Variants in UPF3A observed in about 807,000 individuals in gnomAD.
UPF3A encodes regulator of nonsense transcripts 3A.
A neutral mutation model predicts 53.5 loss-of-function variants in UPF3A; 42 were observed. The observed-to-expected ratio is 0.78, with a 90% CI of 0.61 to 1.01. The LOEUF (loss-of-function observed/expected upper bound fraction) is 1.01, where lower values mean the gene tolerates loss of function less well. Ranked by LOEUF, UPF3A falls within the 50% of genes least tolerant of loss-of-function variation. UPF3A has a pLI of 0.00. For missense variants in UPF3A, 575 were observed against 598.0 expected (o/e 0.96, Z 0.40); for synonymous variants, 237 against 225.3 (o/e 1.05, Z -0.47).
intron 5 of UPF3A, among the ~76,000 whole-genome samples, chr13:114,288,962 G>A (rs769644167): frequency 6.6e-6 from 1 of 152,088 alleles, no homozygotes. Flanking sequence ...TGTTTTAAAT[G>A]TCCCCTTGCA....
intron 3 of UPF3A, chr13:114,284,075 A>G (rs1178950252): frequency 1.8e-5 from 18 of 985,250 alleles, no homozygotes; most frequent in Non-Finnish European, 1.8e-5. Flanking sequence ...CTTAAAAAAT[A>G]TTGGTGGGCC....
Position 114,291,670 on chromosome 13 carries a change from A to AG in UPF3A, c.725dup (p.Glu243ArgfsTer28). The AG allele has an allele frequency of 6.2e-7, 1 of 1,608,138 alleles. No homozygotes were observed. Among genetic ancestry groups the AG allele is most frequent in the Non-Finnish European group, 8.5e-7 (1 of 1,178,148 alleles). On this transcript the variant is annotated frameshift_variant, in exon 7 of 10. Transcript: ENST00000375299. LOFTEE classifies it high-confidence loss of function. ...AGAGAAGCGAGAAGAACGGAGGAGGAGAGAGTTAGAAAAGAAACGTTTGCG... is the reference window on the plus strand; with the variant it reads ...AGAGAAGCGAGAAGAACGGAGGAGGAGGAGAGTTAGAAAAGAAACGTTTGCG...
chr13:114,291,444 C>G (rs762204422), intron 5 of UPF3A, 45 bp from the exon 6 acceptor site: 1 of 1,481,060 alleles, frequency 6.8e-7, no homozygotes, highest in South Asian at 1.3e-5. Flanking sequence ...TAAAATACAT[C>G]TTTCTTTAGG....
intron 7 of UPF3A, among the ~76,000 whole-genome samples, chr13:114,294,111 C>T (rs1594800172): frequency 6.6e-6 from 1 of 152,108 alleles, no homozygotes; most frequent in Admixed American, 6.6e-5. Flanking sequence ...AGTATCTGTG[C>T]TCAGTATGGG....
chr13:114,286,333 T>C lies in UPF3A; in HGVS notation c.453T>C (p.Ala151=). 1 of 1,614,140 alleles carries C rather than the reference T, an allele frequency of 6.2e-7. No individual in the cohort carries two copies. The change falls in exon 4 of 10, where the codon GCT becomes GCC. Residue 151 remains alanine, a synonymous_variant. Coordinates refer to ENST00000375299, the MANE Select transcript of UPF3A (RefSeq NM_023011.4). ...AATATCCTGCAGTGGTAGAGTTTGC[T>C]CCATTCCAGAAGATAGCCAAAAAGA... ...GLEYPAVVEF[A]PFQKIAKKKL...
At position 114,301,982 on chromosome 13, in the gene UPF3A, G is replaced by A. The variant is rs2086646935; in HGVS notation, c.1259G>A (p.Cys420Tyr). The stretch of plus-strand genomic sequence containing the variant: ...GAGAGACTGGGAAGAGCGCAGAGGT[G>A]TGACGACAGTCCAGCACCCAGAAAA... ...AMERLGRAQR[C>Y]DDSPAPRKER... is the part of the protein sequence containing the mutation. The change falls in exon 9 of 10, where the codon TGT (cysteine) becomes TAT (tyrosine). Residue 420 changes from cysteine to tyrosine, a missense_variant. Around this residue, in one of 2 missense-constraint regions of UPF3A, gnomAD observed 323 missense variants for 415.2 expected, o/e 0.78. Coordinates refer to ENST00000375299, the MANE Select transcript of UPF3A (RefSeq NM_023011.4). 1.9e-6 allele frequency: 3 copies of A among 1,574,244 alleles called. No homozygotes were observed. In the African/African-American group the frequency reaches 4.1e-5, roughly 21 times the overall value.
chr13:114,297,753 A>G (rs1296696858), intron 7 of UPF3A, among the ~76,000 whole-genome samples: 1 of 151,854 alleles, frequency 6.6e-6, no homozygotes, highest in Admixed American at 6.6e-5. Context: ...TGCTTGAACC[A>G]GGGTGGCAGA....
intron 7 of UPF3A, among the ~76,000 whole-genome samples, chr13:114,297,865 A>T (rs1184743833): frequency 6.6e-6 from 1 of 152,134 alleles, no homozygotes; most frequent in Non-Finnish European, 1.5e-5. Flanking sequence ...AAAGTTAGCC[A>T]GGTGTGGTGG....
intron 9 of UPF3A, among the ~76,000 whole-genome samples, chr13:114,303,360 G>A (rs1297984895): frequency 6.6e-6 from 1 of 152,180 alleles, no homozygotes; most frequent in Non-Finnish European, 1.5e-5. Flanking sequence ...CCTGTGTTTA[G>A]CCTCACAGTG....
rs1340545238 is a variant in UPF3A, at chr13:114,281,653, A to G, written c.14A>G (p.Lys5Arg). The change falls in exon 1 of 10, where the codon AAG (lysine) becomes AGG (arginine). Residue 5 changes from lysine to arginine, a missense_variant. By Grantham distance (26) the Lys-to-Arg change is conservative. This residue lies in a region of UPF3A where 252 missense variants were observed against 182.7 expected (regional missense o/e 1.38). Transcript: ENST00000375299. ...GGAGAGTGCGGCATGCGCTCGGAAAAGGAGGGGGCCGGAGGCCTTCGGGCG... is the reference window on the plus strand; with the variant it reads ...GGAGAGTGCGGCATGCGCTCGGAAAGGGAGGGGGCCGGAGGCCTTCGGGCG... MRSE[K>R]EGAGGLRAAV... 2.7e-6 allele frequency: 4 copies of G among 1,495,944 alleles called. No individual in the cohort carries two copies. In the Admixed American group the frequency reaches 6.5e-5, roughly 24 times the overall value. 92.7% of individuals were successfully genotyped at this position (1,495,944 alleles called of 1,614,324 possible). A position where few individuals can be genotyped will look rare whatever the true frequency, so the allele number is the denominator to read the frequency against.
At position 114,281,701 on chromosome 13, in the gene UPF3A, G is replaced by C. The variant is rs1191166968; in HGVS notation, c.62G>C (p.Ser21Thr). The change falls in exon 1 of 10, where the codon AGC becomes ACC. Residue 21 changes from serine (S) to threonine (T), a missense_variant. Transcript: ENST00000375299. ...LRAAVAARGP[S>T]GREKLSALEV... The stretch of plus-strand genomic sequence containing the variant: ...GCGGCCGTTGCCGCGCGGGGCCCGA[G>C]CGGGAGGGAGAAGCTGTCGGCCCTA... The C allele has an allele frequency of 1.3e-6, 2 of 1,545,680 alleles. No homozygotes were observed. The highest frequency in any genetic ancestry group is 1.7e-6 in the Non-Finnish European group (2 of 1,145,616).
chr13:114,283,876 C>G, intron 3 of UPF3A: 3 of 985,490 alleles, frequency 3.0e-6, no homozygotes, highest in Non-Finnish European at 3.6e-6. Context: ...CACCCTCTTC[C>G]GACTCCACGT....
rs775418164 is a variant in UPF3A, at chr13:114,299,006, C to T, written c.1007+6C>T. On this transcript the variant is annotated splice_donor_region_variant and intron_variant, in intron 8 of 9. Coordinates refer to ENST00000375299, the MANE Select transcript of UPF3A (RefSeq NM_023011.4). ...CTGGAGGAGCCCCAGGAGACGTGAG[C>T]GTGCTTTCATTGTTATGACCACGTC... is the stretch of plus-strand genomic sequence containing the variant. The T allele has an allele frequency of 8.8e-6, 14 of 1,591,116 alleles. No homozygotes were observed. Among genetic ancestry groups the T allele is most frequent in the South Asian group, 4.6e-5 (4 of 87,506 alleles).
At chr13:114,296,246 G>A (rs1004882876) in intron 7 of UPF3A, among the ~76,000 whole-genome samples, 11 of 152,158 alleles carry the variant, frequency 7.2e-5, no homozygotes, top group African/African-American at 2.4e-5. Flanking sequence ...AGCCAGGCAT[G>A]GTGGCGCATG....
In UPF3A at chr13:114,282,945, T is replaced by C. The variant is rs766817646; in HGVS notation, c.421+2T>C. The C allele has an allele frequency of 3.2e-6, 5 of 1,584,292 alleles. No individual in the cohort carries two copies. In the East Asian group the frequency reaches 6.7e-5, roughly 21 times the overall value. ...GATATATCTTCCTTGACAGCAAAGG[T>C]TGGATTATTGGTTTTTAAAAATCTA... On this transcript the variant is annotated splice_donor_variant, in intron 3 of 9. Transcript: ENST00000375299. LOFTEE classifies it high-confidence loss of function.
At chr13:114,295,111 CAA>C (rs60225573) in intron 7 of UPF3A, among the ~76,000 whole-genome samples, 8 of 85,374 alleles carry the variant, frequency 9.4e-5, no homozygotes, top group Non-Finnish European at 1.1e-4. Flanking sequence ...GACTCCGTCT[CAA>C]AAAAAAAAAA....
intron 8 of UPF3A, among the ~76,000 whole-genome samples, chr13:114,300,806 T>C (rs985507148): frequency 2.0e-5 from 3 of 152,050 alleles, no homozygotes; most frequent in Admixed American, 2.0e-4. Flanking sequence ...CCCAAAGTGC[T>C]GGGATTACAG....
At chr13:114,303,807 CAG>C (rs1227773903) in intron 9 of UPF3A, among the ~76,000 whole-genome samples, 5 of 152,160 alleles carry the variant, frequency 3.3e-5, no homozygotes, top group South Asian at 2.1e-4. Context: ...GAAAAACAAA[CAG>C]AGCTATGCGT....
intron 3 of UPF3A, 151 bp downstream of exon 3, chr13:114,283,094 G>C: frequency 1.7e-6 from 1 of 583,924 alleles, no homozygotes; most frequent in Non-Finnish European, 2.9e-6. Context: ...CGCAATCACG[G>C]CTCACTGCAG....
Sources: allele counts gnomAD v4.1 joint callset (sites outside exome capture counted in the v4.1 genomes callset), GRCh38; gene constraint gnomAD v4.1.1; regional missense constraint gnomAD v4.1.1; transcripts MANE v1.5; gene names NCBI Gene and HGNC (gene_info 2026-07-23, HGNC 2026-07-21).